NR4A1: variants seen among roughly 807,000 people sequenced by gnomAD.
NR4A1 encodes the protein nuclear receptor subfamily 4 group A member 1.
In NR4A1, 24 loss-of-function variants were observed where a neutral mutation model predicts 47.5. The ratio of observed to expected loss-of-function variants is 0.50; its 90% CI spans 0.37 to 0.71. NR4A1 has a LOEUF of 0.71. NR4A1 is among the 30% of genes least tolerant of loss of function. NR4A1 has a pLI of 0.00. For missense variants in NR4A1, 669 were observed against 788.6 expected, an observed-to-expected ratio of 0.85 and a Z score of 1.82; for synonymous variants, 353 against 345.7, an observed-to-expected ratio of 1.02 and a Z score of -0.24.
chr12:52,057,329 C>T (rs191691077), intron 5 of NR4A1, 23 bp from the exon 6 acceptor site: 6 of 1,614,136 alleles, frequency 3.7e-6, no homozygotes, highest in Non-Finnish European at 5.1e-6. Context: ...CCTGATCGCT[C>T]TTCGTGCCCA....
chr12:52,048,737 C>T (rs1408935712), upstream of NR4A1, among the ~76,000 whole-genome samples: 1 of 152,148 alleles, frequency 6.6e-6, no homozygotes, highest in African/African-American at 2.4e-5. Flanking sequence ...GCTGTGTGCT[C>T]CTGAGCAAAG....
At chr12:52,051,632 C>G in intron 1 of NR4A1, 64 bp downstream of exon 1, 1 of 958,082 alleles carries the variant, frequency 1.0e-6, no homozygotes, top group Non-Finnish European at 1.2e-6. Context: ...GATGGGTGTA[C>G]GCGCGGGCAG....
intron 1 of NR4A1, among the ~76,000 whole-genome samples, chr12:52,028,679 G>A (rs1025284682): frequency 1.3e-5 from 2 of 152,010 alleles, no homozygotes; most frequent in Non-Finnish European, 2.9e-5. Flanking sequence ...GCCGAGGTGG[G>A]TGGATTACGA....
chr12:52,036,512 A>G (rs1023385280), intron 1 of NR4A1, among the ~76,000 whole-genome samples: 6 of 152,200 alleles, frequency 3.9e-5, no homozygotes, highest in African/African-American at 1.4e-4. Context: ...GAGACGAGGA[A>G]GCTGAGGCTC....
intron 2 of NR4A1, chr12:52,045,352 G>A (rs1438450895): frequency 3.3e-6 from 1 of 302,918 alleles, no homozygotes; most frequent in Non-Finnish European, 6.8e-6. Flanking sequence ...ACAGGGCCGA[G>A]TGTGGGACTT....
chr12:52,037,273 G>T lies in NR4A1; in HGVS notation c.-83-4537G>T, dbSNP rs551540077. The T allele has an allele frequency of 1.5e-5, 10 of 652,056 alleles. No individual in the cohort carries two copies. In the East Asian group the frequency reaches 1.2e-3, roughly 81 times the overall value. The allele number at this position is 652,056 out of a possible 1,614,324, so 40.4% of individuals were successfully genotyped here. On this transcript the variant is annotated intron_variant, in intron 1 of 7. Transcript: ENST00000360284. ...GAGCGGCTGCGGCGCGGCTGCAGGAGCGCGAGGAGGAGGTGGCGGCGGCGG... is the reference window on the plus strand; with the variant it reads ...GAGCGGCTGCGGCGCGGCTGCAGGATCGCGAGGAGGAGGTGGCGGCGGCGG...
rs1452414775 is a variant in NR4A1 at position 52,056,049 on chromosome 12, C to T, written c.896C>T (p.Ala299Val). The change falls in exon 3 of 7, where the codon GCC becomes GTC. Residue 299 changes from alanine (A) to valine (V), a missense_variant. Coordinates refer to ENST00000394825, the MANE Select transcript of NR4A1 (RefSeq NM_173157.3). ...GFFKRTVQKN[A>V]KYICLANKDC... ...ACCCAGCGCACAGTGCAGAAAAACG[C>T]CAAGTACATCTGCCTGGCTAACAAG... is the stretch of plus-strand genomic sequence containing the variant. 1 of 1,591,962 alleles carries T rather than the reference C, an allele frequency of 6.3e-7. No individual in the cohort carries two copies.
chr12:52,047,295 G>T (rs1021156416), upstream of NR4A1, among the ~76,000 whole-genome samples: 7 of 152,300 alleles, frequency 4.6e-5, no homozygotes, highest in South Asian at 1.2e-3. Flanking sequence ...CAAAGTCCAC[G>T]TCAATTGTGC....
intron 3 of NR4A1, 79 bp downstream of exon 3, chr12:52,056,238 C>T (rs929192240): frequency 1.3e-6 from 2 of 1,503,698 alleles, no homozygotes; most frequent in Non-Finnish European, 1.8e-6. Context: ...CAGGCTTCTG[C>T]CCTGGAGGAC....
chr12:52,052,268 C>CTGTGT (rs1426813929), intron 1 of NR4A1, among the ~76,000 whole-genome samples: 2 of 129,920 alleles, frequency 1.5e-5, no homozygotes, highest in African/African-American at 6.4e-5. Flanking sequence ...GCTTGGATCA[C>CTGTGT]GTGTGTGTGT....
At chr12:52,045,347 G>T (rs1938591561) in intron 2 of NR4A1, 1 of 299,020 alleles carries the variant, frequency 3.3e-6, no homozygotes, top group Non-Finnish European at 6.9e-6. Context: ...GTTCCACAGG[G>T]CCGAGTGTGG....
At chr12:52,052,323 G>GAGAA (rs1555168722) in intron 1 of NR4A1, among the ~76,000 whole-genome samples, 2,627 of 146,514 alleles carry the variant, frequency 0.018, 108 homozygotes, top group African/African-American at 0.064. Flanking sequence ...GAGAGAGAGA[G>GAGAA]AGAGAAAGAG....
intron 1 of NR4A1, chr12:52,052,674 C>A: frequency 1.0e-6 from 1 of 985,070 alleles, no homozygotes; most frequent in Non-Finnish European, 1.2e-6. Context: ...TTGTTAAGAA[C>A]CTGCATGAAG....
intron 1 of NR4A1, among the ~76,000 whole-genome samples, chr12:52,032,994 T>C (rs1938159486): frequency 6.6e-6 from 1 of 152,172 alleles, no homozygotes; most frequent in Non-Finnish European, 1.5e-5. Context: ...AAGCTTCGGC[T>C]CAATGGTTCA....
chr12:52,038,870 A>T (rs754538632), intron 1 of NR4A1: 3 of 663,534 alleles, frequency 4.5e-6, no homozygotes, highest in Non-Finnish European at 8.3e-6. Context: ...TGCCTGGCTC[A>T]AAGGCCCAGG....
chr12:52,054,195 G>A lies in NR4A1; in HGVS notation c.-2-132G>A, dbSNP rs185591733. On this transcript the variant is annotated intron_variant, in intron 1 of 6. Coordinates refer to ENST00000394825, the MANE Select transcript of NR4A1 (RefSeq NM_173157.3). ...CAGGATTCCTGGGTGCTCTGGTCCC[G>A]GTGCCTCTGTCTCATCTTTAGGCTG... The A allele has an allele frequency of 5.9e-4, 436 of 745,046 alleles. 1 individual carries two copies. Among genetic ancestry groups the A allele is most frequent in the Non-Finnish European group, 8.6e-4 (398 of 464,538 alleles). The allele number at this position is 745,046 out of a possible 1,614,324, so 46.2% of individuals were successfully genotyped here.
chr12:52,048,174 A>T (rs1408269375), upstream of NR4A1, among the ~76,000 whole-genome samples: 1 of 151,586 alleles, frequency 6.6e-6, no homozygotes, highest in Non-Finnish European at 1.5e-5. Context: ...AAAACAAAAA[A>T]CAAAAAAAGA....
chr12:52,057,611 G>A, intron 6 of NR4A1, 81 bp downstream of exon 6: 1 of 1,527,360 alleles, frequency 6.5e-7, no homozygotes, highest in African/African-American at 1.4e-5. Context: ...CTGTCCCAGG[G>A]AGTTTGGTGG....
chr12:52,055,228 C>A lies in NR4A1; in HGVS notation c.876+24C>A, dbSNP rs192258692. ...AGGTACCGCGCAGCCCCAGGTGGGG[C>A]CTTTTGTTGGAAATGGAGAGAGGCT... On this transcript the variant is annotated intron_variant, in intron 2 of 6. Coordinates refer to ENST00000394825, the MANE Select transcript of NR4A1 (RefSeq NM_173157.3). The A allele has an allele frequency of 3.4e-3, 5,495 of 1,607,804 alleles. 10 individuals carry two copies. The highest frequency in any genetic ancestry group is 4.3e-3 in the Non-Finnish European group (5,020 of 1,179,922).
Sources: allele counts gnomAD v4.1 joint callset (sites outside exome capture counted in the v4.1 genomes callset), GRCh38; gene constraint gnomAD v4.1.1; transcripts MANE v1.5; gene names NCBI Gene and HGNC (gene_info 2026-07-23, HGNC 2026-07-21).